The following CCDC93 variants were observed in gnomAD, a reference collection of about 807,000 sequenced individuals.
CCDC93 encodes coiled-coil domain-containing protein 93.
Under a neutral mutation model 108.2 loss-of-function variants are expected in CCDC93, and 61 were observed. The observed-to-expected ratio is 0.56, with a 90% CI of 0.46 to 0.70. The LOEUF (loss-of-function observed/expected upper bound fraction) is 0.70, where lower values mean the gene tolerates loss of function less well. CCDC93 is among the 30% of genes least tolerant of loss of function. The pLI is 0.00. For missense variants in CCDC93, 685 were observed against 764.2 expected, an observed-to-expected ratio of 0.90 and a Z score of 1.22; for synonymous variants, 276 against 260.4, an observed-to-expected ratio of 1.06 and a Z score of -0.58.
chr2:118,013,291 T>A (rs945459444), intron 1 of CCDC93, among the ~76,000 whole-genome samples: 1 of 152,238 alleles, frequency 6.6e-6, no homozygotes, highest in Non-Finnish European at 1.5e-5. Flanking sequence ...AGCCGCAGCC[T>A]TTCCGCCCAG....
intron 12 of CCDC93, among the ~76,000 whole-genome samples, chr2:117,955,608 A>G (rs1325334315): frequency 6.6e-6 from 1 of 152,230 alleles, no homozygotes; most frequent in African/African-American, 2.4e-5. Flanking sequence ...ATGTGACTAC[A>G]GACAGCCTGC....
chr2:117,980,904 A>G (rs1680098723), intron 7 of CCDC93, among the ~76,000 whole-genome samples: 1 of 152,126 alleles, frequency 6.6e-6, no homozygotes. Flanking sequence ...TTCTGTCTCT[A>G]TGGATTTGCT....
rs972487822 is a variant in CCDC93, at chr2:117,958,238, A to T, written c.1005+127T>A. 4.7e-6 allele frequency: 3 copies of T among 642,834 alleles called. No individual in the cohort carries two copies. The African/African-American group carries it at 5.5e-5, about 12-fold the overall frequency. The allele number at this position is 642,834 out of a possible 1,614,324, so 39.8% of individuals were successfully genotyped here. Reference sequence around the variant, plus strand: ...GATGTGTTATGTTGTAATAAAACTTAATTTACAAAAACAAGTGGCAACTGG... The same window carrying T: ...GATGTGTTATGTTGTAATAAAACTTTATTTACAAAAACAAGTGGCAACTGG... On this transcript the variant is annotated intron_variant, in intron 12 of 23. Coordinates refer to ENST00000376300, the MANE Select transcript of CCDC93 (RefSeq NM_019044.5).
chr2:117,964,777 T>A (rs901013309), intron 11 of CCDC93, among the ~76,000 whole-genome samples: 5 of 152,104 alleles, frequency 3.3e-5, no homozygotes, highest in African/African-American at 1.2e-4. Flanking sequence ...TTTAAAAAAA[T>A]ATTTTGTAGA....
chr2:117,994,543 C>A (rs1005871888), intron 6 of CCDC93, among the ~76,000 whole-genome samples: 5 of 152,110 alleles, frequency 3.3e-5, no homozygotes, highest in African/African-American at 9.7e-5. Flanking sequence ...CCTTGGTAGA[C>A]CACACATTTA....
chr2:117,978,088 G>A (rs923311995), intron 7 of CCDC93, 58 bp from the exon 8 acceptor site: 1 of 1,468,756 alleles, frequency 6.8e-7, no homozygotes, highest in South Asian at 1.1e-5. Flanking sequence ...TACATTCAGT[G>A]AAATGCATTT....
At chr2:117,960,775 T>C (rs1573491078) in intron 11 of CCDC93, among the ~76,000 whole-genome samples, 1 of 152,310 alleles carries the variant, frequency 6.6e-6, no homozygotes, top group South Asian at 2.1e-4. Flanking sequence ...CATAATAATA[T>C]GTTATTTGCC....
intron 8 of CCDC93, among the ~76,000 whole-genome samples, chr2:117,976,542 TTAA>T (rs777862291): frequency 4.6e-5 from 7 of 152,204 alleles, no homozygotes; most frequent in Non-Finnish European, 8.8e-5. Flanking sequence ...AATACTGATA[TTAA>T]TAATAATGTT....
At chr2:117,929,184 A>T (rs910505758) in intron 23 of CCDC93, among the ~76,000 whole-genome samples, 2 of 152,230 alleles carry the variant, frequency 1.3e-5, no homozygotes, top group African/African-American at 4.8e-5. Context: ...TGGGTGCAGC[A>T]CACCAACATG....
chr2:117,996,425 G>T, intron 4 of CCDC93, 63 bp from the exon 5 acceptor site: 1 of 1,102,880 alleles, frequency 9.1e-7, no homozygotes, highest in Non-Finnish European at 1.4e-6. Context: ...GTGAAGGCCA[G>T]TTCAGACATG....
At chr2:117,954,345 AC>A (rs1679153321) in intron 12 of CCDC93, among the ~76,000 whole-genome samples, 1 of 152,202 alleles carries the variant, frequency 6.6e-6, no homozygotes, top group African/African-American at 2.4e-5. Context: ...ACCTTCACCA[AC>A]AAAGACTTAC....
intron 4 of CCDC93, 109 bp downstream of exon 4, chr2:118,000,712 C>G (rs542125221): frequency 1.5e-6 from 1 of 672,004 alleles, no homozygotes; most frequent in South Asian, 1.8e-5. Context: ...ATCTAAGCCA[C>G]ACCCATTACA....
At chr2:117,973,004 C>T (rs1679812238) in intron 11 of CCDC93, among the ~76,000 whole-genome samples, 1 of 152,146 alleles carries the variant, frequency 6.6e-6, no homozygotes, top group Admixed American at 6.5e-5. Context: ...GCACAAGGGT[C>T]CTTCAAGTCT....
Position 117,935,148 on chromosome 2 carries a change from G to A in CCDC93, c.1728+347C>T, listed in dbSNP as rs114145580. ...CGAGGAAGTGAATCTAGTCAAGAGC[G>A]GAAGCCTGCTGGTGAAAGGTGGTCT... On this transcript the variant is annotated intron_variant, in intron 22 of 23. Transcript: ENST00000376300. Among the ~76,000 whole-genome samples the A allele has an allele frequency of 2.6e-3, 395 of 152,302 alleles. 3 individuals are homozygous for A. The highest frequency in any genetic ancestry group is 9.0e-3 in the African/African-American group (375 of 41,570).
chr2:117,957,796 T>C (rs1382647014), intron 12 of CCDC93, among the ~76,000 whole-genome samples: 3 of 152,116 alleles, frequency 2.0e-5, no homozygotes, highest in African/African-American at 7.2e-5. Flanking sequence ...TACCCACTCA[T>C]CTTTCCAGTC....
intron 3 of CCDC93, among the ~76,000 whole-genome samples, chr2:118,003,187 A>G (rs555975688): frequency 2.0e-5 from 3 of 152,334 alleles, no homozygotes; most frequent in Admixed American, 6.5e-5. Context: ...CCACAGGGGA[A>G]GCCAGTGGTT....
At chr2:117,927,722 C>G (rs1055328393) in intron 23 of CCDC93, among the ~76,000 whole-genome samples, 9 of 152,304 alleles carry the variant, frequency 5.9e-5, no homozygotes, top group Non-Finnish European at 1.2e-4. Context: ...CCCCATCAAG[C>G]TACCAATGAC....
intron 7 of CCDC93, among the ~76,000 whole-genome samples, chr2:117,978,425 A>T (rs1368227356): frequency 6.6e-6 from 1 of 152,346 alleles, no homozygotes; most frequent in East Asian, 1.9e-4. Flanking sequence ...GGCTACTTCC[A>T]TAACTTAGAG....
chr2:117,969,259 C>T (rs1023575508), intron 11 of CCDC93, among the ~76,000 whole-genome samples: 12 of 152,288 alleles, frequency 7.9e-5, no homozygotes, highest in Admixed American at 1.3e-4. Flanking sequence ...CAAGGAACTG[C>T]AGGTAGCCTC....
Sources: allele counts gnomAD v4.1 joint callset (sites outside exome capture counted in the v4.1 genomes callset), GRCh38; gene constraint gnomAD v4.1.1; transcripts MANE v1.5; gene names NCBI Gene and HGNC (gene_info 2026-07-23, HGNC 2026-07-21).